Variants in PLCZ1 observed in about 807,000 individuals in gnomAD.
The protein encoded by PLCZ1 is 1-phosphatidylinositol 4,5-bisphosphate phosphodiesterase zeta-1.
PLCZ1 carries 64 observed loss-of-function variants against 76.8 expected under a neutral mutation model. That is an observed-to-expected ratio of 0.83 (90% confidence interval 0.68 to 1.03). PLCZ1 has a LOEUF of 1.03. PLCZ1 is among the 50% of genes least tolerant of loss of function. The probability of loss-of-function intolerance (pLI) is 0.00; values close to 1 mark genes in which losing one functional copy is unlikely to be tolerated. For synonymous variants in PLCZ1, 248 were observed against 230.8 expected (o/e 1.07, Z -0.68); for missense variants, 751 against 713.7 (o/e 1.05, Z -0.60).
chr12:18,691,403 A>G (rs11835639), intron 12 of PLCZ1, among the ~76,000 whole-genome samples: 12,737 of 152,214 alleles, frequency 0.084, 623 homozygotes, highest in Non-Finnish European at 0.1. Context: ...ATGTCCAATT[A>G]AAGACTTGAG....
At chr12:18,653,223 A>G in the PLCZ1 span, among the ~76,000 whole-genome samples, 1 of 152,302 alleles carries the variant, frequency 6.6e-6, no homozygotes, top group African/African-American at 2.4e-5. Flanking sequence ...GTTGATTCCC[A>G]GAGGAAATGG....
intron 10 of PLCZ1, among the ~76,000 whole-genome samples, chr12:18,698,401 GT>G (rs2137220798): frequency 6.6e-6 from 1 of 151,704 alleles, no homozygotes; most frequent in East Asian, 1.9e-4. Context: ...CAACACACAG[GT>G]TAAAAAAGGA....
At chr12:18,650,716 A>G in the PLCZ1 span, among the ~76,000 whole-genome samples, 493 of 4,590 alleles carry the variant, frequency 0.11, 18 homozygotes, top group African/African-American at 0.27. Flanking sequence ...ATATATCTAT[A>G]TATATATATA....
the PLCZ1 span, among the ~76,000 whole-genome samples, chr12:18,665,013 G>A: frequency 1.8e-5 from 2 of 109,478 alleles, no homozygotes; most frequent in African/African-American, 3.5e-5. Context: ...GTTGTGGGGT[G>A]GGGGGAGGGG....
At chr12:18,650,531 A>G in the PLCZ1 span, among the ~76,000 whole-genome samples, 1 of 150,110 alleles carries the variant, frequency 6.7e-6, no homozygotes, top group Non-Finnish European at 1.5e-5. Context: ...TTGTATGCTC[A>G]TTTACATTAC....
At chr12:18,734,685 TC>T (rs1309986811) in intron 3 of PLCZ1, among the ~76,000 whole-genome samples, 1 of 152,148 alleles carries the variant, frequency 6.6e-6, no homozygotes, top group Non-Finnish European at 1.5e-5. Context: ...TTCAGGAGTT[TC>T]TACATGTAAG....
chr12:18,696,677 G>A (rs2137194898), intron 10 of PLCZ1, among the ~76,000 whole-genome samples: 1 of 151,924 alleles, frequency 6.6e-6, no homozygotes, highest in East Asian at 1.9e-4. Context: ...TTCACAGTAG[G>A]GCAGAATCAT....
chr12:18,736,114 T>G, intron 3 of PLCZ1, 107 bp downstream of exon 3: 1 of 1,286,908 alleles, frequency 7.8e-7, no homozygotes, highest in Non-Finnish European at 1.1e-6. Flanking sequence ...ATAGTTAGTA[T>G]AATTAATTGC....
At chr12:18,658,637 T>C in the PLCZ1 span, among the ~76,000 whole-genome samples, 1 of 152,154 alleles carries the variant, frequency 6.6e-6, no homozygotes, top group Non-Finnish European at 1.5e-5. Flanking sequence ...TTTTAATAAA[T>C]AATAGCATTA....
intron 4 of PLCZ1, 135 bp from the exon 5 acceptor site, chr12:18,719,767 C>A (rs1958330042): frequency 3.7e-6 from 2 of 541,170 alleles, no homozygotes; most frequent in Non-Finnish European, 6.0e-6. Flanking sequence ...AATATTAATA[C>A]TATATTTATG....
intron 3 of PLCZ1, among the ~76,000 whole-genome samples, chr12:18,732,276 C>T (rs1959093404): frequency 6.6e-6 from 1 of 152,100 alleles, no homozygotes; most frequent in South Asian, 2.1e-4. Flanking sequence ...CTCAGCCTCC[C>T]AAGTAGCTGG....
At chr12:18,704,056 A>G (rs570295882) in intron 7 of PLCZ1, among the ~76,000 whole-genome samples, 2 of 152,176 alleles carry the variant, frequency 1.3e-5, no homozygotes, top group Non-Finnish European at 2.9e-5. Flanking sequence ...ACTAAGCAGG[A>G]GTGGTCAAAG....
At chr12:18,689,710 A>G (rs1953763320) in intron 12 of PLCZ1, among the ~76,000 whole-genome samples, 1 of 152,174 alleles carries the variant, frequency 6.6e-6, no homozygotes, top group African/African-American at 2.4e-5. Flanking sequence ...TGGATTTAGA[A>G]AGCAGTCCTG....
At chr12:18,709,727 A>T (rs1313649881) in intron 6 of PLCZ1, among the ~76,000 whole-genome samples, 1 of 152,058 alleles carries the variant, frequency 6.6e-6, no homozygotes, top group East Asian at 1.9e-4. Context: ...AGGGAAAAAA[A>T]ACCCTGTGTA....
chr12:18,654,111 A>G, the PLCZ1 span, among the ~76,000 whole-genome samples: 1 of 152,100 alleles, frequency 6.6e-6, no homozygotes, highest in Non-Finnish European at 1.5e-5. Flanking sequence ...GCCTTAAAAG[A>G]AATATTGGGA....
chr12:18,685,520 A>T (rs2137055253), intron 13 of PLCZ1: 1 of 288,352 alleles, frequency 3.5e-6, no homozygotes, highest in Middle Eastern at 4.3e-4. Flanking sequence ...ATTTCTAATT[A>T]TACTATATCT....
chr12:18,666,725 A>G, the PLCZ1 span, among the ~76,000 whole-genome samples: 2 of 152,224 alleles, frequency 1.3e-5, no homozygotes, highest in Non-Finnish European at 2.9e-5. Flanking sequence ...AGACATATAT[A>G]GAACACATCA....
chr12:18,664,880 C>A, the PLCZ1 span, among the ~76,000 whole-genome samples: 4 of 150,934 alleles, frequency 2.7e-5, no homozygotes, highest in Non-Finnish European at 5.9e-5. Flanking sequence ...AATTGGAAAT[C>A]ATCATTCTCA....
rs1378786023 is a variant in PLCZ1, at chr12:18,696,042, C to T, written c.1291+108G>A. On this transcript the variant is annotated intron_variant, in intron 11 of 14. Coordinates refer to ENST00000266505, the MANE Select transcript of PLCZ1 (RefSeq NM_033123.4). ...AGTGCCTGACCCCAAAGCCCCCGGG[C>T]TAAAAAATCTTTTACAGAAAGCCCT... 4.8e-6 allele frequency: 3 copies of T among 623,804 alleles called. No individual in the cohort carries two copies. The East Asian group carries it at 1.0e-4, about 21-fold the overall frequency. 38.6% of individuals were successfully genotyped at this position (623,804 alleles called of 1,614,324 possible).
Sources: allele counts gnomAD v4.1 joint callset (sites outside exome capture counted in the v4.1 genomes callset), GRCh38; gene constraint gnomAD v4.1.1; transcripts MANE v1.5; gene names NCBI Gene and HGNC (gene_info 2026-07-23, HGNC 2026-07-21).